The following MBOAT2 variants were observed in gnomAD, a reference collection of about 807,000 sequenced individuals.
The protein encoded by MBOAT2 is membrane bound glycerophospholipid O-acyltransferase 2.
MBOAT2 carries 28 observed loss-of-function variants against 63.4 expected under a neutral mutation model. The observed-to-expected ratio is 0.44, with a 90% CI of 0.33 to 0.61. MBOAT2 has a LOEUF of 0.61. Ranked by LOEUF, MBOAT2 falls within the 20% of genes least tolerant of loss-of-function variation. The pLI, the probability that MBOAT2 is intolerant of heterozygous loss-of-function variation, is 0.03. For synonymous variants in MBOAT2, 211 were observed against 215.6 expected, an observed-to-expected ratio of 0.98 and a Z score of 0.19; for missense variants, 470 against 605.8, an observed-to-expected ratio of 0.78 and a Z score of 2.35.
chr2:8,923,148 GT>G lies in MBOAT2; in HGVS notation c.300-14433del, dbSNP rs1331262002. ...GTAAAGACTAACAAAAGGTCACAAGGTTAGACTTATGGTAGGGACTACATCT... is the reference window on the plus strand; with the variant it reads ...GTAAAGACTAACAAAAGGTCACAAGGTAGACTTATGGTAGGGACTACATCT... On this transcript the variant is annotated intron_variant, in intron 3 of 12. Coordinates refer to ENST00000305997, the MANE Select transcript of MBOAT2 (RefSeq NM_138799.4). Among the ~76,000 whole-genome samples, 3 of 152,154 alleles carry G rather than the reference GT, an allele frequency of 2.0e-5. No homozygotes were observed. The East Asian group carries it at 5.8e-4, about 29-fold the overall frequency.
intron 6 of MBOAT2, among the ~76,000 whole-genome samples, 199 bp from the exon 7 acceptor site, chr2:8,877,412 T>G (rs777934297): frequency 2.0e-5 from 3 of 152,208 alleles, no homozygotes; most frequent in African/African-American, 4.8e-5. Context: ...TCTATACAGA[T>G]CCTTATGAGC....
intron 1 of MBOAT2, among the ~76,000 whole-genome samples, chr2:8,998,715 T>C (rs1277329675): frequency 1.3e-5 from 2 of 151,986 alleles, no homozygotes; most frequent in Admixed American, 1.3e-4. Flanking sequence ...TTACACATCA[T>C]CATTTTCTCT....
chr2:8,921,288 T>A lies in MBOAT2; in HGVS notation c.300-12572A>T, dbSNP rs573524683. Among the ~76,000 whole-genome samples, 23 of 152,338 alleles carry A rather than the reference T, an allele frequency of 1.5e-4. No homozygotes were observed. In the South Asian group the frequency reaches 4.8e-3, roughly 32 times the overall value. On this transcript the variant is annotated intron_variant, in intron 3 of 12. Transcript: ENST00000305997. ...AGGAATTACTATGTGTCTCATTTCA[T>A]CACAATCTATTTCAGATTAATACTG...
intron 1 of MBOAT2, among the ~76,000 whole-genome samples, chr2:8,964,252 T>G (rs886402792): frequency 6.6e-6 from 1 of 152,274 alleles, no homozygotes; most frequent in African/African-American, 2.4e-5. Flanking sequence ...CTTGTGTATT[T>G]TACATATTGT....
At chr2:8,889,250 A>C (rs1663803524) in intron 4 of MBOAT2, among the ~76,000 whole-genome samples, 1 of 152,212 alleles carries the variant, frequency 6.6e-6, no homozygotes, top group African/African-American at 2.4e-5. Flanking sequence ...GCCTCTCGCA[A>C]ACAGAGGTGT....
At chr2:8,870,231 T>C (rs954525745) in intron 8 of MBOAT2, among the ~76,000 whole-genome samples, 5 of 152,198 alleles carry the variant, frequency 3.3e-5, no homozygotes, top group African/African-American at 1.2e-4. Flanking sequence ...AAATCATTTT[T>C]TTGAGGTGAT....
rs1660851889 is a variant in MBOAT2, at chr2:8,852,863, G to A, written c.*5816C>T. On this transcript the variant is annotated 3_prime_UTR_variant, in exon 13 of 13. Transcript: ENST00000305997. ...TTATGAAATGAGCACATCTCAGTTT[G>A]ACTGACACAGTGGGAGTTTTAATTT... 1 of 152,200 alleles carries A rather than the reference G, an allele frequency of 6.6e-6. No homozygotes were observed. The highest frequency in any genetic ancestry group is 2.4e-5 in the African/African-American group (1 of 41,440). 9.4% of individuals were successfully genotyped at this position (152,200 alleles called of 1,614,324 possible).
intron 1 of MBOAT2, among the ~76,000 whole-genome samples, chr2:8,982,402 C>T (rs1182560347): frequency 6.6e-6 from 1 of 152,142 alleles, no homozygotes; most frequent in African/African-American, 2.4e-5. Context: ...ACCAAAAATG[C>T]TAATTCATAA....
intron 5 of MBOAT2, 78 bp downstream of exon 5, chr2:8,887,940 A>T: frequency 7.7e-7 from 1 of 1,304,698 alleles, no homozygotes; most frequent in East Asian, 2.3e-5. Context: ...AATAGCAGAA[A>T]GTTATGGCAA....
Position 8,939,459 on chromosome 2 carries a change from G to A in MBOAT2, c.299+3728C>T, listed in dbSNP as rs561367798. Among the ~76,000 whole-genome samples, 14 of 152,344 alleles carry A rather than the reference G, an allele frequency of 9.2e-5. No individual in the cohort carries two copies. The South Asian group carries it at 2.9e-3, about 32-fold the overall frequency. On this transcript the variant is annotated intron_variant, in intron 3 of 12. Coordinates refer to ENST00000305997, the MANE Select transcript of MBOAT2 (RefSeq NM_138799.4). ...GGCATCAACCGCAGTGGGAGCACGG[G>A]GGAAAGATGTCTTGTGACAGGGATG...
At chr2:8,981,462 G>A (rs1480907388) in intron 1 of MBOAT2, among the ~76,000 whole-genome samples, 1 of 152,156 alleles carries the variant, frequency 6.6e-6, no homozygotes, top group African/African-American at 2.4e-5. Flanking sequence ...CCCATTCCAT[G>A]TAGTTTCACA....
At chr2:8,957,849 C>T (rs981677493) in intron 2 of MBOAT2, among the ~76,000 whole-genome samples, 50 of 152,268 alleles carry the variant, frequency 3.3e-4, no homozygotes, top group African/African-American at 1.2e-3. Context: ...ATTTCTTCAG[C>T]ATGCACAGCT....
intron 12 of MBOAT2, among the ~76,000 whole-genome samples, chr2:8,859,194 T>C (rs1661323271): frequency 6.6e-6 from 1 of 152,110 alleles, no homozygotes; most frequent in African/African-American, 2.4e-5. Flanking sequence ...AAAACAAAAA[T>C]GTACATATTA....
intron 3 of MBOAT2, among the ~76,000 whole-genome samples, chr2:8,924,126 T>A (rs1464521087): frequency 6.6e-6 from 1 of 152,160 alleles, no homozygotes; most frequent in East Asian, 1.9e-4. Context: ...AATAGAAGAA[T>A]TTTTTTAAAC....
At chr2:8,980,160 T>A (rs892478430) in intron 1 of MBOAT2, among the ~76,000 whole-genome samples, 4 of 152,180 alleles carry the variant, frequency 2.6e-5, no homozygotes, top group African/African-American at 9.7e-5. Context: ...ATAAAGATTA[T>A]TCCTGAAATA....
At chr2:8,952,080 C>G (rs375859251) in intron 2 of MBOAT2, among the ~76,000 whole-genome samples, 1 of 152,212 alleles carries the variant, frequency 6.6e-6, no homozygotes. Context: ...TTCCTCTTAA[C>G]ACGCTTTTGC....
chr2:8,929,540 G>C (rs1386598664), intron 3 of MBOAT2, among the ~76,000 whole-genome samples: 12 of 152,182 alleles, frequency 7.9e-5, no homozygotes, highest in Admixed American at 7.9e-4. Context: ...TTTTGTAAAG[G>C]CCGGGTTTTG....
chr2:8,908,745 G>A, intron 3 of MBOAT2, 29 bp from the exon 4 acceptor site: 1 of 1,337,436 alleles, frequency 7.5e-7, no homozygotes, highest in Non-Finnish European at 1.1e-6. Flanking sequence ...CTACATTAAT[G>A]AAAATAAGAC....
intron 9 of MBOAT2, among the ~76,000 whole-genome samples, chr2:8,864,457 C>T (rs1661717238): frequency 6.6e-6 from 1 of 152,028 alleles, no homozygotes; most frequent in African/African-American, 2.4e-5. Context: ...GGATTATCAC[C>T]ATTTTCTCTT....
Sources: gnomAD v4.1 joint callset for allele counts (sites outside exome capture counted in the v4.1 genomes callset) on GRCh38, gnomAD v4.1.1 for gene constraint, MANE v1.5 for transcripts, NCBI Gene and HGNC (gene_info 2026-07-23, HGNC 2026-07-21) for gene names.